Variants in GON4L observed in about 807,000 individuals in gnomAD.
The protein encoded by GON4L is GON-4-like protein.
A neutral mutation model predicts 211.8 loss-of-function variants in GON4L; 87 were observed. The ratio of observed to expected loss-of-function variants is 0.41; its 90% CI spans 0.35 to 0.49. The LOEUF is 0.49. Ranked by LOEUF, GON4L falls within the 20% of genes least tolerant of loss-of-function variation. GON4L has a pLI of 0.15. For missense variants in GON4L, 2,155 were observed against 2,659.5 expected, an observed-to-expected ratio of 0.81 and a Z score of 4.17; for synonymous variants, 875 against 962.6, an observed-to-expected ratio of 0.91 and a Z score of 1.68.
In GON4L at chr1:155,821,122, C is replaced by T. The variant is rs1407906933; in HGVS notation, c.963+352G>A. On this transcript the variant is annotated intron_variant, in intron 5 of 31. Coordinates refer to ENST00000368331, the MANE Select transcript of GON4L (RefSeq NM_001282860.2). ...TCTATTAAAAATACAAAAAATTAGC[C>T]GGGCGTGGTTGCAGGCCCCTGTAGT... 3.9e-5 allele frequency among the ~76,000 whole-genome samples: 6 copies of T among 151,906 alleles called. No individual in the cohort carries two copies. The East Asian group carries it at 9.7e-4, about 25-fold the overall frequency.
In GON4L at chr1:155,830,108, G is replaced by A. The variant is rs533712868; in HGVS notation, c.506-3080C>T. 7.9e-5 allele frequency among the ~76,000 whole-genome samples: 12 copies of A among 151,918 alleles called. No homozygotes were observed. In the East Asian group the frequency reaches 2.1e-3, roughly 27 times the overall value. ...TGGGATTACAGGCGTGTGTCACCAC[G>A]CCCAGCTAATTTTTTATTTTTAGTA... On this transcript the variant is annotated intron_variant, in intron 2 of 31. Coordinates refer to ENST00000368331, the MANE Select transcript of GON4L (RefSeq NM_001282860.2).
chr1:155,792,191 AAAACATGTGACCACATGGAGCTTTTC>A (rs1205188439), intron 12 of GON4L, among the ~76,000 whole-genome samples: 3 of 152,180 alleles, frequency 2.0e-5, no homozygotes, highest in Non-Finnish European at 4.4e-5. Context: ...AAGCGGGCAA[AAAACATGTGACCACATGGAGCTTTTC>A]AAACTCTGTG....
intron 19 of GON4L, among the ~76,000 whole-genome samples, chr1:155,768,309 C>CA (rs71080724): frequency 0.13 from 14,431 of 112,576 alleles, 2,058 homozygotes; most frequent in African/African-American, 0.33. Flanking sequence ...GACTCCGTCT[C>CA]AAAAAAAAAA....
chr1:155,777,736 A>C lies in GON4L; in HGVS notation c.1977T>G (p.Ser659=), dbSNP rs746773789. ...CTACTTCCTGCAGCTGTTTGGCTGA[A>C]GATTTCTTCATCTTCAGCTGTTCAA... ...ELFEQLKMKK[S]SAKQLQEVEK... The change falls in exon 15 of 32, where the codon TCT becomes TCG. Residue 659 remains serine, a synonymous_variant. Coordinates refer to ENST00000368331, the MANE Select transcript of GON4L (RefSeq NM_001282860.2). 3 of 1,612,784 alleles carry C rather than the reference A, an allele frequency of 1.9e-6. No individual in the cohort carries two copies. In the South Asian group the frequency reaches 3.3e-5, roughly 18 times the overall value.
intron 14 of GON4L, among the ~76,000 whole-genome samples, chr1:155,778,195 T>C (rs1241036716): frequency 2.6e-5 from 4 of 152,162 alleles, no homozygotes; most frequent in African/African-American, 9.6e-5. Context: ...CCATCCCAGG[T>C]TCAGCTTGTC....
chr1:155,750,751 C>T lies in GON4L; in HGVS notation c.6577-18G>A. 1.3e-6 allele frequency: 2 copies of T among 1,558,556 alleles called. No individual in the cohort carries two copies. Among genetic ancestry groups the T allele is most frequent in the Non-Finnish European group, 1.7e-6 (2 of 1,150,978 alleles). ...TGGGAAACCTAAGAAAGGAGGAGGG[C>T]TGTATTCACTGGTCTTTTTTTTTTG... On this transcript the variant is annotated intron_variant, in intron 31 of 31. Transcript: ENST00000368331.
chr1:155,776,294 G>A, intron 16 of GON4L, 101 bp downstream of exon 16: 1 of 906,638 alleles, frequency 1.1e-6, no homozygotes, highest in South Asian at 1.4e-5. Flanking sequence ...ATACCCGAGA[G>A]AAGAATAAAT....
In GON4L at chr1:155,765,678, C is replaced by T; in HGVS notation, c.3795G>A (p.Val1265=). The T allele has an allele frequency of 6.2e-7, 1 of 1,614,204 alleles. No individual in the cohort carries two copies. The highest frequency in any genetic ancestry group is 8.5e-7 in the Non-Finnish European group (1 of 1,180,042). The part of the protein sequence containing the change: ...SPLSATVFPK[V]EHSPGPPLAD... ...CTAGTGGAGGCCCTGGGCTATGTTC[C>T]ACTTTCGGGAAAACAGTAGCAGAGA... Residue 1265 remains valine, a synonymous_variant, in exon 21 of 32, where the codon GTG becomes GTA. Coordinates refer to ENST00000368331, the MANE Select transcript of GON4L (RefSeq NM_001282860.2).
Position 155,853,282 on chromosome 1 carries a change from C to T in GON4L, c.499G>A (p.Glu167Lys), listed in dbSNP as rs761860477. ...SGEPSEEVKE[E>K]GGKPQMNSEG... ...GAGACCTTGTATACCTTACCTCCTTCTTCCTTGACTTCTTCACTAGGCTCT... is the reference window on the plus strand; with the variant it reads ...GAGACCTTGTATACCTTACCTCCTTTTTCCTTGACTTCTTCACTAGGCTCT... The change falls in exon 2 of 32, where the codon GAA becomes AAA. Residue 167 changes from glutamate to lysine, a missense_variant. Physicochemically the swap from Glu to Lys is moderately conservative, Grantham distance 56 (BLOSUM62 1). This residue lies in a region of GON4L where 313 missense variants were observed against 293.2 expected (regional missense o/e 1.07). Transcript: ENST00000368331. 5 of 1,613,684 alleles carry T rather than the reference C, an allele frequency of 3.1e-6. No individual in the cohort carries two copies. Among genetic ancestry groups the T allele is most frequent in the Middle Eastern group, 1.7e-4 (1 of 6,060 alleles).
At chr1:155,747,768 C>T (rs1374805229), downstream of GON4L, 5 of 1,613,758 alleles carry the variant, frequency 3.1e-6, no homozygotes, top group Admixed American at 1.7e-5. Context: ...CCAGGGCTTC[C>T]AGATCCTGTG....
chr1:155,830,797 A>G (rs916200945), intron 2 of GON4L, among the ~76,000 whole-genome samples: 8 of 152,192 alleles, frequency 5.3e-5, no homozygotes, highest in Non-Finnish European at 7.4e-5. Context: ...TATGTTGCCA[A>G]GTCTGGTCTT....
chr1:155,839,475 C>T (rs1670589125), intron 2 of GON4L, among the ~76,000 whole-genome samples: 1 of 152,020 alleles, frequency 6.6e-6, no homozygotes, highest in African/African-American at 2.4e-5. Flanking sequence ...ATGGTGAAAC[C>T]TTGTCTCTAC....
intron 19 of GON4L, among the ~76,000 whole-genome samples, chr1:155,768,195 C>T (rs150526679): frequency 5.9e-5 from 9 of 151,262 alleles, no homozygotes; most frequent in Admixed American, 3.3e-4. Flanking sequence ...CCCAGCTACT[C>T]AGCGGGCTGA....
At chr1:155,845,037 C>A (rs979253615) in intron 2 of GON4L, among the ~76,000 whole-genome samples, 8 of 152,160 alleles carry the variant, frequency 5.3e-5, no homozygotes, top group Non-Finnish European at 1.2e-4. Context: ...ATAAAATCAA[C>A]AGGAAGCAGT....
At chr1:155,816,150 T>G in intron 7 of GON4L, 62 bp downstream of exon 7, 1 of 836,008 alleles carries the variant, frequency 1.2e-6, no homozygotes, top group Non-Finnish European at 2.0e-6. Flanking sequence ...AGGAAGTACT[T>G]AAGTTTCAAA....
intron 2 of GON4L, among the ~76,000 whole-genome samples, chr1:155,843,497 T>C (rs1207786960): frequency 6.6e-6 from 1 of 152,102 alleles, no homozygotes; most frequent in Admixed American, 6.6e-5. Flanking sequence ...CCCCTACTAT[T>C]ACCTGGACCT....
At chr1:155,801,112 C>CAAAAAAAAA (rs367752032) in intron 11 of GON4L, among the ~76,000 whole-genome samples, 1 of 73,634 alleles carries the variant, frequency 1.4e-5, no homozygotes. Context: ...TGCTGCTGCT[C>CAAAAAAAAA]AAAAAAAAAA....
Position 155,773,055 on chromosome 1 carries a change from T to A in GON4L, c.2495+11A>T. 6.2e-7 allele frequency: 1 copy of A among 1,611,760 alleles called. No homozygotes were observed. The highest frequency in any genetic ancestry group is 1.1e-5 in the South Asian group (1 of 90,996). ...GTTCTGCTGTTTTGATCCCCCAGAG[T>A]AAACACTTACTTGTCCTCAGCCTTG... On this transcript the variant is annotated intron_variant, in intron 18 of 31. Coordinates refer to ENST00000368331, the MANE Select transcript of GON4L (RefSeq NM_001282860.2).
chr1:155,826,159 C>T (rs935514111), intron 3 of GON4L, among the ~76,000 whole-genome samples: 3 of 151,944 alleles, frequency 2.0e-5, no homozygotes, highest in African/African-American at 4.8e-5. Flanking sequence ...CACAGTAAGC[C>T]GTGATGGCAC....
Sources: allele counts gnomAD v4.1 joint callset (sites outside exome capture counted in the v4.1 genomes callset), GRCh38; gene constraint gnomAD v4.1.1; regional missense constraint gnomAD v4.1.1; transcripts MANE v1.5; gene names NCBI Gene and HGNC (gene_info 2026-07-23, HGNC 2026-07-21).